Variants in SGCG observed in about 807,000 individuals in gnomAD.
SGCG encodes the protein sarcoglycan gamma, also known as gamma-sarcoglycan.
A neutral mutation model predicts 29.3 loss-of-function variants in SGCG; 26 were observed. The ratio of observed to expected loss-of-function variants is 0.89; its 90% confidence interval spans 0.65 to 1.23. The LOEUF (loss-of-function observed/expected upper bound fraction) is 1.23. SGCG is among the 50% of genes most tolerant of loss of function. SGCG has a pLI of 0.00. For missense variants in SGCG, 353 were observed against 356.0 expected, an observed-to-expected ratio of 0.99 and a Z score of 0.07; for synonymous variants, 145 against 129.7, an observed-to-expected ratio of 1.12 and a Z score of -0.80.
At chr13:23,188,716 A>C (rs1877111213) in intron 1 of SGCG, among the ~76,000 whole-genome samples, 1 of 152,142 alleles carries the variant, frequency 6.6e-6, no homozygotes, top group African/African-American at 2.4e-5. Context: ...AGAATGTCCA[A>C]AATGGCCTAG....
intron 1 of SGCG, among the ~76,000 whole-genome samples, chr13:23,191,847 A>G (rs1877268425): frequency 6.6e-6 from 1 of 152,174 alleles, no homozygotes; most frequent in Non-Finnish European, 1.5e-5. Flanking sequence ...ATTAACATAT[A>G]TGCTAGGAAA....
chr13:23,264,532 C>A (rs1352965060), intron 4 of SGCG, among the ~76,000 whole-genome samples: 2 of 152,142 alleles, frequency 1.3e-5, no homozygotes, highest in Non-Finnish European at 1.5e-5. Flanking sequence ...AATGCAATTT[C>A]TATTAAAATA....
chr13:23,224,858 C>T (rs1566007021), intron 2 of SGCG, among the ~76,000 whole-genome samples: 1 of 152,114 alleles, frequency 6.6e-6, no homozygotes, highest in Non-Finnish European at 1.5e-5. Flanking sequence ...GTAATTTCAT[C>T]TCAACCTCCG....
chr13:23,286,211 T>C (rs1482248088), intron 5 of SGCG, among the ~76,000 whole-genome samples: 1 of 152,224 alleles, frequency 6.6e-6, no homozygotes, highest in Non-Finnish European at 1.5e-5. Flanking sequence ...CACTGGTCTC[T>C]CACCATTACA....
At chr13:23,184,891 G>A (rs1326173471) in intron 1 of SGCG, among the ~76,000 whole-genome samples, 1 of 152,114 alleles carries the variant, frequency 6.6e-6, no homozygotes, top group African/African-American at 2.4e-5. Flanking sequence ...AATAACAAGC[G>A]AGCTCCCAAA....
intron 4 of SGCG, among the ~76,000 whole-genome samples, chr13:23,255,682 CAGTT>C (rs761127967): frequency 3.3e-5 from 5 of 152,082 alleles, no homozygotes; most frequent in South Asian, 2.1e-4. Flanking sequence ...AGTTTTCACT[CAGTT>C]AGTTCACAAA....
chr13:23,203,875 A>C lies in SGCG; in HGVS notation c.181A>C (p.Met61Leu). The C allele has an allele frequency of 6.2e-7, 1 of 1,610,592 alleles. No individual in the cohort carries two copies. Among genetic ancestry groups the C allele is most frequent in the Non-Finnish European group, 8.5e-7 (1 of 1,176,786 alleles). Residue 61 changes from methionine (M) to leucine (L), a missense_variant, in exon 2 of 8, where the codon ATG becomes CTG. By Grantham distance (15) the Met-to-Leu change is conservative. Coordinates refer to ENST00000218867, the MANE Select transcript of SGCG (RefSeq NM_000231.3). ...TCTTACAATTTGGATTCTTAAAGTG[A>C]TGTGGTTTTCTCCAGTAAGTATCAT... ...LALTIWILKV[M>L]WFSPAGMGHL...
the SGCG span, among the ~76,000 whole-genome samples, chr13:23,168,740 A>G: frequency 7.2e-5 from 11 of 152,336 alleles, no homozygotes; most frequent in East Asian, 2.1e-3. Context: ...GCTCACATAC[A>G]TGACAGAGAT....
chr13:23,191,283 C>T (rs1427636992), intron 1 of SGCG, among the ~76,000 whole-genome samples: 1 of 114,970 alleles, frequency 8.7e-6, no homozygotes, highest in Non-Finnish European at 1.6e-5. Context: ...TCTTCTACAC[C>T]ATCTTCCCGA....
chr13:23,287,555 T>C (rs1183227242), intron 5 of SGCG, among the ~76,000 whole-genome samples: 1 of 152,182 alleles, frequency 6.6e-6, no homozygotes, highest in Non-Finnish European at 1.5e-5. Flanking sequence ...AACAGAGCTG[T>C]GAGCTAACAC....
intron 6 of SGCG, among the ~76,000 whole-genome samples, chr13:23,296,816 T>C (rs1881926708): frequency 6.6e-6 from 1 of 152,252 alleles, no homozygotes; most frequent in African/African-American, 2.4e-5. Flanking sequence ...AGAATCTTTG[T>C]GTCTATGTGT....
intron 2 of SGCG, among the ~76,000 whole-genome samples, chr13:23,222,946 T>C (rs1446573233): frequency 6.6e-6 from 1 of 152,178 alleles, no homozygotes; most frequent in Non-Finnish European, 1.5e-5. Flanking sequence ...TAACTCCTTA[T>C]TCAGAATGGG....
chr13:23,240,407 A>T (rs1332488208), intron 3 of SGCG, among the ~76,000 whole-genome samples: 2 of 152,210 alleles, frequency 1.3e-5, no homozygotes, highest in African/African-American at 4.8e-5. Context: ...TCAATAACTG[A>T]TAGGAGAAAT....
At chr13:23,173,660 G>T in the SGCG span, among the ~76,000 whole-genome samples, 1 of 152,116 alleles carries the variant, frequency 6.6e-6, no homozygotes, top group East Asian at 1.9e-4. Flanking sequence ...TCTGGTCAAG[G>T]TAAAGAAATT....
chr13:23,247,384 T>G (rs1050634075), intron 3 of SGCG, among the ~76,000 whole-genome samples: 5 of 152,104 alleles, frequency 3.3e-5, no homozygotes, highest in African/African-American at 1.2e-4. Flanking sequence ...TGGGGTACAA[T>G]GGGATGGGAG....
intron 6 of SGCG, among the ~76,000 whole-genome samples, chr13:23,299,368 C>G (rs1370604525): frequency 1.5e-5 from 2 of 135,596 alleles, no homozygotes; most frequent in African/African-American, 5.6e-5. Context: ...CTATTCCTGG[C>G]CTGATTACAG....
At chr13:23,217,144 G>T (rs559521099) in intron 2 of SGCG, among the ~76,000 whole-genome samples, 1 of 152,146 alleles carries the variant, frequency 6.6e-6, no homozygotes, top group Admixed American at 6.5e-5. Flanking sequence ...ATGAGGAGAG[G>T]TTCTAATTTG....
At chr13:23,315,575 A>G (rs1882775008) in intron 6 of SGCG, among the ~76,000 whole-genome samples, 1 of 152,138 alleles carries the variant, frequency 6.6e-6, no homozygotes, top group African/African-American at 2.4e-5. Flanking sequence ...GGCACCACCC[A>G]AAAGTGGACA....
intron 4 of SGCG, among the ~76,000 whole-genome samples, chr13:23,260,941 TG>T (rs1471389662): frequency 6.6e-6 from 1 of 152,162 alleles, no homozygotes; most frequent in Non-Finnish European, 1.5e-5. Flanking sequence ...GTGGATAACC[TG>T]ACCTTTCTCT....
Sources: gnomAD v4.1 joint callset for allele counts (sites outside exome capture counted in the v4.1 genomes callset) on GRCh38, gnomAD v4.1.1 for gene constraint, MANE v1.5 for transcripts, NCBI Gene and HGNC (gene_info 2026-07-23, HGNC 2026-07-21) for gene names.